TOX2: variants seen among roughly 807,000 people sequenced by gnomAD.
The protein encoded by TOX2 is granulosa cell HMG box 1.
Under a neutral mutation model 47.4 loss-of-function variants are expected in TOX2, and 15 were observed. The ratio of observed to expected loss-of-function variants is 0.32; its 90% CI spans 0.21 to 0.49. TOX2 has a LOEUF of 0.49. Among genes scored for constraint, TOX2 ranks in the 20% least tolerant of loss-of-function variants. The pLI, the probability that TOX2 is intolerant of heterozygous loss-of-function variation, is 0.99. For missense variants in TOX2, 622 were observed against 673.1 expected (o/e 0.92, Z 0.84); for synonymous variants, 290 against 296.6 (o/e 0.98, Z 0.23).
chr20:43,991,919 G>T (rs1434392338), intron 2 of TOX2, among the ~76,000 whole-genome samples: 1 of 152,182 alleles, frequency 6.6e-6, no homozygotes, highest in African/African-American at 2.4e-5. Flanking sequence ...ACAGACGTGA[G>T]CCACTGCAGC....
chr20:43,922,266 C>T (rs570789149), intron 1 of TOX2, among the ~76,000 whole-genome samples: 1 of 152,326 alleles, frequency 6.6e-6, no homozygotes, highest in Admixed American at 6.5e-5. Context: ...GGAGTTGCTG[C>T]ATGCATTGCG....
intron 3 of TOX2, among the ~76,000 whole-genome samples, chr20:44,028,175 A>G (rs2071094206): frequency 6.6e-6 from 1 of 152,212 alleles, no homozygotes. Context: ...GTGGGGAGCC[A>G]GGGAAGGCCT....
At chr20:43,933,349 G>T (rs1475229446) in intron 1 of TOX2, among the ~76,000 whole-genome samples, 2 of 152,240 alleles carry the variant, frequency 1.3e-5, no homozygotes, top group African/African-American at 4.8e-5. Context: ...CCCCACAGAG[G>T]GCTGGTGACT....
rs1555830202 is a variant in TOX2 at position 43,934,136 on chromosome 20, G to GGAGC, written c.99+19149_99+19150insCGAG. 2.5e-5 allele frequency among the ~76,000 whole-genome samples: 3 copies of GGAGC among 122,168 alleles called. No individual in the cohort carries two copies. The East Asian group carries it at 7.3e-4, about 30-fold the overall frequency. The allele number at this position is 122,168 out of a possible 152,430, so 80.1% of individuals were successfully genotyped here. A position where few individuals can be genotyped will look rare whatever the true frequency, so the allele number is the denominator to read the frequency against. On this transcript the variant is annotated intron_variant, in intron 1 of 8. Transcript: ENST00000341197. ...GCTCTTATTTCAGAGCCCAAGGTAA[G>GGAGC]GAGAGAGAGAGAGAGAGAGAGAGAG...
chr20:44,065,393 C>T (rs1056219147), intron 6 of TOX2, among the ~76,000 whole-genome samples: 5 of 152,184 alleles, frequency 3.3e-5, no homozygotes, highest in African/African-American at 1.2e-4. Context: ...AAGGGAAAAA[C>T]ATCTACAAAG....
chr20:43,924,262 T>A (rs1193201218), intron 1 of TOX2, among the ~76,000 whole-genome samples: 1 of 152,180 alleles, frequency 6.6e-6, no homozygotes, highest in Non-Finnish European at 1.5e-5. Context: ...CTTCTTTGTC[T>A]CATGAAGTGA....
intron 3 of TOX2, among the ~76,000 whole-genome samples, chr20:44,050,740 G>A (rs1351782040): frequency 2.7e-5 from 4 of 148,286 alleles, no homozygotes; most frequent in Admixed American, 2.0e-4. Flanking sequence ...ATACAATATA[G>A]GGCTTACTGT....
chr20:43,970,295 G>A (rs1351471238), intron 1 of TOX2, among the ~76,000 whole-genome samples: 1 of 152,192 alleles, frequency 6.6e-6, no homozygotes, highest in South Asian at 2.1e-4. Flanking sequence ...ATCATCGTGA[G>A]GATTAAATGA....
At chr20:44,004,491 A>G (rs1431933467) in intron 2 of TOX2, among the ~76,000 whole-genome samples, 5 of 152,150 alleles carry the variant, frequency 3.3e-5, no homozygotes, top group Admixed American at 6.5e-5. Context: ...AGATCATCCC[A>G]CTGCAGCCCT....
chr20:44,020,108 T>C (rs942187654), intron 3 of TOX2, among the ~76,000 whole-genome samples: 1 of 152,164 alleles, frequency 6.6e-6, no homozygotes, highest in Non-Finnish European at 1.5e-5. Context: ...CCAGGGTTGT[T>C]GTGAAGAGTA....
intron 1 of TOX2, among the ~76,000 whole-genome samples, chr20:43,932,810 C>T (rs1441009149): frequency 2.0e-5 from 3 of 149,148 alleles, no homozygotes; most frequent in East Asian, 2.2e-4. Context: ...GGCAGGTCAG[C>T]GGCTTCTTCC....
chr20:44,064,940 G>A, intron 6 of TOX2, 83 bp downstream of exon 6: 1 of 1,312,988 alleles, frequency 7.6e-7, no homozygotes, highest in South Asian at 1.2e-5. Context: ...CCCGTGGGAA[G>A]GGCCGGCACC....
intron 3 of TOX2, among the ~76,000 whole-genome samples, chr20:44,050,418 AC>A (rs925150326): frequency 7.2e-5 from 11 of 152,230 alleles, no homozygotes; most frequent in African/African-American, 2.7e-4. Context: ...AAAAACAGAT[AC>A]TTGATGTTTG....
At chr20:44,068,527 T>G in intron 8 of TOX2, 123 bp from the exon 9 acceptor site, 1 of 974,252 alleles carries the variant, frequency 1.0e-6, no homozygotes, top group Non-Finnish European at 1.5e-6. Context: ...AAGTCCCTCA[T>G]TCAGCCACAG....
At chr20:43,927,593 C>CTTCA (rs1406694014) in intron 1 of TOX2, among the ~76,000 whole-genome samples, 1 of 4,530 alleles carries the variant, frequency 2.2e-4, no homozygotes, top group Non-Finnish European at 8.3e-4. Context: ...AGTTAATTTC[C>CTTCA]TTCCTTCCTT....
At chr20:44,010,537 A>G (rs1384143708) in intron 3 of TOX2, among the ~76,000 whole-genome samples, 4 of 152,232 alleles carry the variant, frequency 2.6e-5, no homozygotes, top group Admixed American at 2.6e-4. Context: ...CATTGGGACT[A>G]TCTGGTGAAG....
At chr20:43,972,986 A>G (rs2070003009) in intron 1 of TOX2, among the ~76,000 whole-genome samples, 1 of 152,250 alleles carries the variant, frequency 6.6e-6, no homozygotes, top group African/African-American at 2.4e-5. Flanking sequence ...ATGGGATTCC[A>G]GCTCTAGCTG....
chr20:44,042,869 A>C (rs2071355174), intron 3 of TOX2, among the ~76,000 whole-genome samples: 1 of 152,170 alleles, frequency 6.6e-6, no homozygotes. Flanking sequence ...TGTGAAAGAC[A>C]TAGGATTCAT....
At position 43,961,152 on chromosome 20, in the gene TOX2, G is replaced by A. The variant is rs539197255; in HGVS notation, c.100-12215G>A. ...CAGAGGGGTGGCCAGGCCAGCCCAA[G>A]AGTGGCTATCAGCAATGGCTTCTGG... On this transcript the variant is annotated intron_variant, in intron 1 of 8. Coordinates refer to ENST00000341197, the MANE Select transcript of TOX2 (RefSeq NM_001098797.2). Among the ~76,000 whole-genome samples the A allele has an allele frequency of 7.2e-5, 11 of 152,390 alleles. No individual in the cohort carries two copies. The South Asian group carries it at 2.3e-3, about 32-fold the overall frequency.
Sources: gnomAD v4.1 joint callset for allele counts (sites outside exome capture counted in the v4.1 genomes callset) on GRCh38, gnomAD v4.1.1 for gene constraint, MANE v1.5 for transcripts, NCBI Gene and HGNC (gene_info 2026-07-23, HGNC 2026-07-21) for gene names.